The following SYNPR variants were observed in gnomAD, a reference collection of about 807,000 sequenced individuals.
SYNPR encodes synaptoporin.
Under a neutral mutation model 32.9 loss-of-function variants are expected in SYNPR, and 23 were observed. The ratio of observed to expected loss-of-function variants is 0.70; its 90% CI spans 0.50 to 0.99. SYNPR has a LOEUF of 0.99. Among genes scored for constraint, SYNPR ranks in the 50% least tolerant of loss-of-function variants. The pLI is 0.00. For missense variants in SYNPR, 318 were observed against 349.3 expected, an observed-to-expected ratio of 0.91 and a Z score of 0.71; for synonymous variants, 146 against 135.9, an observed-to-expected ratio of 1.07 and a Z score of -0.52.
intron 2 of SYNPR, among the ~76,000 whole-genome samples, chr3:63,297,943 A>G (rs2086808164): frequency 6.6e-6 from 1 of 152,146 alleles, no homozygotes; most frequent in Non-Finnish European, 1.5e-5. Context: ...ATCTATAGGA[A>G]CAATTTGGTA....
At chr3:63,540,956 CACACAT>C (rs1355819451) in intron 3 of SYNPR, among the ~76,000 whole-genome samples, 2 of 150,648 alleles carry the variant, frequency 1.3e-5, no homozygotes, top group Middle Eastern at 3.2e-3. Flanking sequence ...CACACACACA[CACACAT>C]ATACATAGTA....
intron 2 of SYNPR, among the ~76,000 whole-genome samples, chr3:63,410,889 C>T (rs1325780693): frequency 6.6e-6 from 1 of 152,096 alleles, no homozygotes; most frequent in African/African-American, 2.4e-5. Context: ...GCAGTGTGAA[C>T]AGGAAGTTGT....
chr3:63,512,398 A>T (rs1034003039), intron 3 of SYNPR, among the ~76,000 whole-genome samples: 1 of 152,142 alleles, frequency 6.6e-6, no homozygotes, highest in Non-Finnish European at 1.5e-5. Context: ...TAATCCCTAA[A>T]ATCTATAAAT....
chr3:63,375,042 G>A (rs1191546793), intron 2 of SYNPR, among the ~76,000 whole-genome samples: 1 of 152,160 alleles, frequency 6.6e-6, no homozygotes, highest in South Asian at 2.1e-4. Flanking sequence ...ACACCAGTTA[G>A]AATAGCGATC....
At chr3:63,243,536 T>G (rs1430112741) in intron 1 of SYNPR, among the ~76,000 whole-genome samples, 1 of 152,064 alleles carries the variant, frequency 6.6e-6, no homozygotes, top group Non-Finnish European at 1.5e-5. Flanking sequence ...AATGGAATAG[T>G]GTATTGAAAG....
chr3:63,510,645 C>T (rs1211510389), intron 3 of SYNPR, among the ~76,000 whole-genome samples: 1 of 151,854 alleles, frequency 6.6e-6, no homozygotes, highest in Non-Finnish European at 1.5e-5. Flanking sequence ...TTATTTATAC[C>T]CTGGTGAGTT....
At chr3:63,490,935 T>C (rs1701247190) in intron 3 of SYNPR, among the ~76,000 whole-genome samples, 1 of 152,062 alleles carries the variant, frequency 6.6e-6, no homozygotes, top group Non-Finnish European at 1.5e-5. Flanking sequence ...AGCTAATTTT[T>C]GTATTTTTAG....
At chr3:63,562,562 C>T (rs6414558) in intron 4 of SYNPR, among the ~76,000 whole-genome samples, 54,062 of 152,030 alleles carry the variant, frequency 0.36, 11,064 homozygotes, top group African/African-American at 0.55. Context: ...AGTGGTATCA[C>T]GGCTCACCTT....
At chr3:63,525,995 C>T (rs566575272) in intron 3 of SYNPR, among the ~76,000 whole-genome samples, 1 of 152,142 alleles carries the variant, frequency 6.6e-6, no homozygotes, top group South Asian at 2.1e-4. Flanking sequence ...TGGTAGAAGG[C>T]AAAGGGAGCC....
intron 2 of SYNPR, among the ~76,000 whole-genome samples, chr3:63,434,092 C>A (rs1470118117): frequency 1.3e-5 from 2 of 152,140 alleles, no homozygotes; most frequent in Non-Finnish European, 2.9e-5. Context: ...AAATGTTATA[C>A]ACTCTACGTT....
At chr3:63,551,149 T>C (rs926751960) in intron 3 of SYNPR, among the ~76,000 whole-genome samples, 3 of 152,206 alleles carry the variant, frequency 2.0e-5, no homozygotes, top group Non-Finnish European at 4.4e-5. Context: ...TCTAAACACT[T>C]TATAGAAATG....
In SYNPR at chr3:63,515,236, C is replaced by T. The variant is rs113625792; in HGVS notation, c.209+34280C>T. Among the ~76,000 whole-genome samples, 606 of 152,184 alleles carry T rather than the reference C, an allele frequency of 4.0e-3. 5 individuals are homozygous for T. The highest frequency in any genetic ancestry group is 0.014 in the African/African-American group (572 of 41,548). On this transcript the variant is annotated intron_variant, in intron 3 of 5. Transcript: ENST00000478300. ...AGCTTATGATATATCAGACTTTGCCCTACATTTCTATGTGGCTACTCTTCC... is the reference window on the plus strand; with the variant it reads ...AGCTTATGATATATCAGACTTTGCCTTACATTTCTATGTGGCTACTCTTCC...
intron 2 of SYNPR, among the ~76,000 whole-genome samples, chr3:63,375,784 G>C (rs1288605261): frequency 6.6e-6 from 1 of 152,082 alleles, no homozygotes; most frequent in Non-Finnish European, 1.5e-5. Context: ...TTACTGTCTA[G>C]ATGTCAGTGT....
chr3:63,609,841 C>T lies in SYNPR; in HGVS notation c.600+525C>T, dbSNP rs532752207. Among the ~76,000 whole-genome samples the T allele has an allele frequency of 4.6e-5, 7 of 152,194 alleles. No homozygotes were observed. The East Asian group carries it at 5.8e-4, about 13-fold the overall frequency. On this transcript the variant is annotated intron_variant, in intron 5 of 5. Transcript: ENST00000478300. ...ATGAGAATCGCTTGAACCCAGGAGGCGGAGGTTGCAGTGAGCCAAGATCAG... is the reference window on the plus strand; with the variant it reads ...ATGAGAATCGCTTGAACCCAGGAGGTGGAGGTTGCAGTGAGCCAAGATCAG...
rs1452526161 is a variant in SYNPR at position 63,445,500 on chromosome 3, A to T, written c.85-35332A>T. 4 of 691,114 alleles carry T rather than the reference A, an allele frequency of 5.8e-6. No homozygotes were observed. The Admixed American group carries it at 8.5e-5, about 15-fold the overall frequency. The allele number at this position is 691,114 out of a possible 1,614,324, so 42.8% of individuals were successfully genotyped here. A position where few individuals can be genotyped will look rare whatever the true frequency, so the allele number is the denominator to read the frequency against. ...TTTGTCATTTGGGGGAAAACAATAAAGGGATTTTTAAAATTTCATAATCAG... is the reference window on the plus strand; with the variant it reads ...TTTGTCATTTGGGGGAAAACAATAATGGGATTTTTAAAATTTCATAATCAG... On this transcript the variant is annotated intron_variant, in intron 2 of 5. Transcript: ENST00000478300.
chr3:63,464,630 G>A (rs572446108), intron 2 of SYNPR, among the ~76,000 whole-genome samples: 3 of 152,066 alleles, frequency 2.0e-5, no homozygotes, highest in East Asian at 1.9e-4. Flanking sequence ...TATCTCTCAT[G>A]TTTTCATCAG....
At chr3:63,336,378 CAAT>C (rs986342032) in intron 2 of SYNPR, among the ~76,000 whole-genome samples, 4 of 151,122 alleles carry the variant, frequency 2.6e-5, no homozygotes, top group Non-Finnish European at 4.4e-5. Context: ...AAAATGTTAA[CAAT>C]GATGAACTTT....
intron 2 of SYNPR, among the ~76,000 whole-genome samples, chr3:63,367,184 A>C (rs576023214): frequency 1.2e-3 from 185 of 152,264 alleles, no homozygotes; most frequent in Non-Finnish European, 2.3e-3. Context: ...CCACTGGGGA[A>C]AGTAAGGAGT....
intron 2 of SYNPR, among the ~76,000 whole-genome samples, chr3:63,327,896 C>T (rs1333185813): frequency 6.6e-6 from 1 of 151,970 alleles, no homozygotes; most frequent in Admixed American, 6.6e-5. Flanking sequence ...TTACACTTTT[C>T]TGCATGTATG....
Sources: gnomAD v4.1 joint callset for allele counts (sites outside exome capture counted in the v4.1 genomes callset) on GRCh38, gnomAD v4.1.1 for gene constraint, MANE v1.5 for transcripts, NCBI Gene and HGNC (gene_info 2026-07-23, HGNC 2026-07-21) for gene names.